SCUBE2: variants seen among roughly 807,000 people sequenced by gnomAD.
SCUBE2 encodes signal peptide, CUB and EGF-like domain-containing protein 2.
Under a neutral mutation model 125.9 loss-of-function variants are expected in SCUBE2, and 114 were observed. The ratio of observed to expected loss-of-function variants is 0.91; its 90% CI spans 0.78 to 1.06. SCUBE2 has a LOEUF of 1.06. Among genes scored for constraint, SCUBE2 ranks in the 50% least tolerant of loss-of-function variants. The probability of loss-of-function intolerance (pLI) is 0.00; values close to 1 mark genes in which losing one functional copy is unlikely to be tolerated. For synonymous variants in SCUBE2, 459 were observed against 492.9 expected (o/e 0.93, Z 0.91); for missense variants, 1,255 against 1,301.8 (o/e 0.96, Z 0.55).
intron 13 of SCUBE2, among the ~76,000 whole-genome samples, chr11:9,051,476 C>T (rs922601039): frequency 6.6e-6 from 1 of 152,128 alleles, no homozygotes; most frequent in African/African-American, 2.4e-5. Context: ...ACACAGATGG[C>T]ACTCACTAAA....
chr11:9,090,466 A>ATTT (rs111988048), intron 1 of SCUBE2: 1 of 115,886 alleles, frequency 8.6e-6, no homozygotes, highest in African/African-American at 2.6e-5. Context: ...ACATTATGAG[A>ATTT]TTTTTTTTTT....
chr11:9,026,173 C>A, intron 20 of SCUBE2: 1 of 206,930 alleles, frequency 4.8e-6, no homozygotes, highest in Non-Finnish European at 9.6e-6. Flanking sequence ...ATTGTCATCA[C>A]CACCATTTGC....
chr11:9,082,826 T>G (rs745992171), intron 2 of SCUBE2, among the ~76,000 whole-genome samples: 10 of 152,212 alleles, frequency 6.6e-5, no homozygotes, highest in African/African-American at 1.2e-4. Context: ...GGACTGGGAA[T>G]GAGGATTAGC....
chr11:9,045,606 G>GACAC (rs762865868), intron 16 of SCUBE2, among the ~76,000 whole-genome samples: 2 of 115,162 alleles, frequency 1.7e-5, no homozygotes, highest in Non-Finnish European at 3.8e-5. Flanking sequence ...AAGACAGACA[G>GACAC]ACAGACACAC....
At chr11:9,076,607 G>A (rs1276555463) in intron 3 of SCUBE2, among the ~76,000 whole-genome samples, 1 of 70,516 alleles carries the variant, frequency 1.4e-5, no homozygotes, top group East Asian at 3.9e-4. Flanking sequence ...TCAAAGAGAA[G>A]GCTGATATAA....
chr11:9,089,766 G>C lies in SCUBE2; in HGVS notation c.197C>G (p.Pro66Arg). Residue 66 changes from proline (P) to arginine (R), a missense_variant, in exon 2 of 23, where the codon CCC becomes CGC. Pro to Arg is a moderately radical substitution (Grantham distance 103). Coordinates refer to ENST00000649792, the MANE Select transcript of SCUBE2 (RefSeq NM_001367977.2). ...CHADALCQNTPTSYKCSCKPG... is the reference protein window; with the variant it reads ...CHADALCQNTRTSYKCSCKPG... ...CTTGCAGGAGCACTTGTAGGAGGTG[G>C]GTGTGTTCTGACACAGGGCGTCGGC... 6.2e-7 allele frequency: 1 copy of C among 1,613,972 alleles called. No homozygotes were observed. Among genetic ancestry groups the C allele is most frequent in the Non-Finnish European group, 8.5e-7 (1 of 1,179,934 alleles).
chr11:9,030,047 T>TGTCCAG lies in SCUBE2; in HGVS notation c.2342-3_2342-2insCTGGAC. On this transcript the variant is annotated splice_region_variant and splice_polypyrimidine_tract_variant and intron_variant, in intron 18 of 22. Coordinates refer to ENST00000649792, the MANE Select transcript of SCUBE2 (RefSeq NM_001367977.2). ...AGAAATGTCCAGGTGAACATTGAACTGTGGGTCAAGGGAGGGTGAAAAGAA... is the reference window on the plus strand; with the variant it reads ...AGAAATGTCCAGGTGAACATTGAACTGTCCAGGTGGGTCAAGGGAGGGTGAAAAGAA... 1 of 1,613,252 alleles carries TGTCCAG rather than the reference T, an allele frequency of 6.2e-7. No homozygotes were observed. The highest frequency in any genetic ancestry group is 2.2e-5 in the East Asian group (1 of 44,858).
At chr11:9,058,935 G>A (rs1859385615) in intron 9 of SCUBE2, among the ~76,000 whole-genome samples, 1 of 152,306 alleles carries the variant, frequency 6.6e-6, no homozygotes, top group South Asian at 2.1e-4. Flanking sequence ...CAACTTTTGT[G>A]ATAAATTCAA....
In SCUBE2 at chr11:9,077,796, T is replaced by A. The variant is rs192767360; in HGVS notation, c.382+1588A>T. On this transcript the variant is annotated intron_variant, in intron 3 of 22. Coordinates refer to ENST00000649792, the MANE Select transcript of SCUBE2 (RefSeq NM_001367977.2). ...CCTTGCTACTGAGTCCACAAAGAGA[T>A]CCCACAGAGGGGAAATGGAGATACT... Among the ~76,000 whole-genome samples, 68 of 152,254 alleles carry A rather than the reference T, an allele frequency of 4.5e-4. 1 individual carries two copies. In the East Asian group the frequency reaches 0.011, roughly 24 times the overall value.
chr11:9,053,510 A>G, intron 11 of SCUBE2, 127 bp downstream of exon 11: 1 of 1,072,886 alleles, frequency 9.3e-7, no homozygotes. Context: ...TTTAAAGAAC[A>G]GTTGCTGCAG....
At chr11:9,035,653 T>G (rs1243803650) in intron 16 of SCUBE2, among the ~76,000 whole-genome samples, 3 of 152,146 alleles carry the variant, frequency 2.0e-5, no homozygotes, top group Non-Finnish European at 4.4e-5. Context: ...GGGTTAAACA[T>G]GGGAACGTTC....
At chr11:9,042,615 A>T (rs2135324913) in intron 16 of SCUBE2, among the ~76,000 whole-genome samples, 1 of 151,922 alleles carries the variant, frequency 6.6e-6, no homozygotes, top group East Asian at 1.9e-4. Flanking sequence ...TCTCCTATAA[A>T]TCTCTTCTGA....
intron 16 of SCUBE2, among the ~76,000 whole-genome samples, chr11:9,041,833 G>A (rs1055892819): frequency 2.0e-5 from 3 of 152,132 alleles, no homozygotes; most frequent in African/African-American, 7.2e-5. Flanking sequence ...GACAGGAGAT[G>A]GGTTTGTGTG....
chr11:9,049,207 T>C (rs1036697448), intron 14 of SCUBE2, among the ~76,000 whole-genome samples: 6 of 152,318 alleles, frequency 3.9e-5, no homozygotes, highest in African/African-American at 1.4e-4. Context: ...TACAATCCCA[T>C]TAAGTAAACT....
intron 16 of SCUBE2, among the ~76,000 whole-genome samples, chr11:9,038,052 A>G (rs1856883594): frequency 6.6e-6 from 1 of 152,150 alleles, no homozygotes; most frequent in Non-Finnish European, 1.5e-5. Context: ...TTACTCATTC[A>G]TTCAATAAGT....
chr11:9,067,177 T>C (rs990809377), intron 5 of SCUBE2, among the ~76,000 whole-genome samples: 1 of 152,220 alleles, frequency 6.6e-6, no homozygotes, highest in Non-Finnish European at 1.5e-5. Context: ...ACTGGGGCTT[T>C]GGGAAATGCT....
intron 19 of SCUBE2, 49 bp from the exon 20 acceptor site, chr11:9,027,610 C>G: frequency 1.3e-6 from 2 of 1,537,164 alleles, no homozygotes; most frequent in Non-Finnish European, 1.8e-6. Flanking sequence ...TCATCTCTGT[C>G]CTGACCACCG....
chr11:9,051,183 TATCTATC>T (rs1197486548), intron 13 of SCUBE2, among the ~76,000 whole-genome samples: 3 of 57,692 alleles, frequency 5.2e-5, no homozygotes, highest in African/African-American at 2.3e-4. Flanking sequence ...AACAAAAAAT[TATCTATC>T]TATCTATCTA....
At chr11:9,040,113 C>T (rs1271574978) in intron 16 of SCUBE2, among the ~76,000 whole-genome samples, 3 of 152,166 alleles carry the variant, frequency 2.0e-5, no homozygotes, top group Non-Finnish European at 4.4e-5. Context: ...AGCAGCCACC[C>T]GTGTCCACAG....
Sources: gnomAD v4.1 joint callset for allele counts (sites outside exome capture counted in the v4.1 genomes callset) on GRCh38, gnomAD v4.1.1 for gene constraint, MANE v1.5 for transcripts, NCBI Gene and HGNC (gene_info 2026-07-23, HGNC 2026-07-21) for gene names.